Variants in CAST observed in about 807,000 individuals in gnomAD.
CAST encodes the protein MIR583 host.
In CAST, 76 loss-of-function variants were observed where a neutral mutation model predicts 119.6. That is an observed-to-expected ratio of 0.64 (90% CI 0.53 to 0.77). The LOEUF (loss-of-function observed/expected upper bound fraction) is 0.77. CAST is among the 30% of genes least tolerant of loss of function. The pLI, the probability that CAST is intolerant of heterozygous loss-of-function variation, is 0.00. For missense variants in CAST, 953 were observed against 946.5 expected (o/e 1.01, Z -0.09); for synonymous variants, 319 against 331.6 (o/e 0.96, Z 0.41).
the CAST span, among the ~76,000 whole-genome samples, chr5:96,329,247 C>T: frequency 2.6e-5 from 4 of 152,170 alleles, no homozygotes; most frequent in Admixed American, 2.6e-4. Flanking sequence ...GTTAAGAAAA[C>T]AGTGTGATAA....
chr5:96,460,167 T>G, the CAST span, among the ~76,000 whole-genome samples: 13 of 152,266 alleles, frequency 8.5e-5, 1 homozygote, highest in South Asian at 2.7e-3. Context: ...GGTTGGAGTT[T>G]CAATGTCCTG....
intron 1 of CAST, among the ~76,000 whole-genome samples, chr5:96,551,317 A>C (rs556316212): frequency 6.6e-6 from 1 of 152,348 alleles, no homozygotes; most frequent in African/African-American, 2.4e-5. Context: ...CAGCCAAACT[A>C]AGCTTCATAA....
chr5:96,349,139 A>ATTTTTTTTTTTTTTTTTTT, the CAST span, among the ~76,000 whole-genome samples: 157 of 89,592 alleles, frequency 1.8e-3, 16 homozygotes, highest in African/African-American at 6.3e-3. Context: ...CAAGGACACT[A>ATTTTTTTTTTTTTTTTTTT]TTTTTTTTTT....
chr5:96,408,147 T>C, the CAST span: 1 of 1,040,020 alleles, frequency 9.6e-7, no homozygotes, highest in Non-Finnish European at 1.5e-6. Context: ...TAACCATGTA[T>C]TCAGAAAAAA....
chr5:96,711,734 CTG>C (rs1756197794), intron 3 of CAST, among the ~76,000 whole-genome samples: 1 of 152,144 alleles, frequency 6.6e-6, no homozygotes, highest in African/African-American at 2.4e-5. Context: ...GTTTAAATAA[CTG>C]AGAGGGGAAT....
the CAST span, among the ~76,000 whole-genome samples, chr5:96,421,451 T>G: frequency 1.3e-5 from 2 of 152,226 alleles, no homozygotes; most frequent in African/African-American, 4.8e-5. Context: ...AAGGTGACTG[T>G]AGCCACCGTC....
chr5:96,500,058 C>G, the CAST span, among the ~76,000 whole-genome samples: 6 of 152,176 alleles, frequency 3.9e-5, no homozygotes, highest in East Asian at 1.2e-3. Flanking sequence ...GATAAGTTCG[C>G]CGCCTCATAT....
chr5:96,565,356 C>T (rs916580605), intron 1 of CAST, among the ~76,000 whole-genome samples: 3 of 151,950 alleles, frequency 2.0e-5, no homozygotes, highest in South Asian at 4.2e-4. Context: ...ATACATGTCT[C>T]GAAACATCAC....
chr5:96,754,555 A>T lies in CAST; in HGVS notation c.1627-103A>T, dbSNP rs182666286. Reference sequence around the variant, plus strand: ...AAGCATACGGTCATATGTACTTCCTAACCTAATGATAGATTTGTTTACCTC... The same window carrying T: ...AAGCATACGGTCATATGTACTTCCTTACCTAATGATAGATTTGTTTACCTC... On this transcript the variant is annotated intron_variant, in intron 21 of 31. Transcript: ENST00000675179. 870 of 730,858 alleles carry T rather than the reference A, an allele frequency of 1.2e-3. 2 individuals carry two copies. The highest frequency in any genetic ancestry group is 1.5e-3 in the Non-Finnish European group (606 of 413,998). 45.3% of individuals were successfully genotyped at this position (730,858 alleles called of 1,614,324 possible).
the CAST span, among the ~76,000 whole-genome samples, chr5:96,276,794 C>G: frequency 6.6e-6 from 1 of 152,166 alleles, no homozygotes; most frequent in Admixed American, 6.5e-5. Context: ...TGTTTCCCAT[C>G]CCTCATGCCC....
the CAST span, among the ~76,000 whole-genome samples, chr5:96,292,586 A>G: frequency 2.0e-5 from 3 of 152,200 alleles, no homozygotes; most frequent in African/African-American, 7.2e-5. Flanking sequence ...CTACTAAATA[A>G]TGGGTTAATG....
the CAST span, among the ~76,000 whole-genome samples, chr5:96,488,422 T>C: frequency 6.6e-6 from 1 of 152,262 alleles, no homozygotes; most frequent in Non-Finnish European, 1.5e-5. Flanking sequence ...CCTCTTCCCT[T>C]ATTTTACTAT....
the CAST span, among the ~76,000 whole-genome samples, chr5:96,082,333 C>G: frequency 2.0e-5 from 3 of 152,172 alleles, no homozygotes; most frequent in African/African-American, 7.2e-5. Flanking sequence ...CACAACCTAT[C>G]CTTGGTGCTT....
At chr5:96,392,831 T>C in the CAST span, 1 of 696,856 alleles carries the variant, frequency 1.4e-6, no homozygotes, top group Non-Finnish European at 2.5e-6. Flanking sequence ...TTGAACTTCC[T>C]GCTTGAGCTC....
chr5:96,051,675 G>A, the CAST span, among the ~76,000 whole-genome samples: 5 of 152,248 alleles, frequency 3.3e-5, no homozygotes, highest in East Asian at 5.8e-4. Flanking sequence ...GAGTGATGAG[G>A]TTAGTGTGAT....
the CAST span, among the ~76,000 whole-genome samples, chr5:96,262,593 A>G: frequency 1.3e-5 from 2 of 152,044 alleles, no homozygotes; most frequent in African/African-American, 2.4e-5. Context: ...GCAGTGGTGC[A>G]ATCTCGGCTC....
intron 27 of CAST, among the ~76,000 whole-genome samples, 198 bp from the exon 28 acceptor site, chr5:96,767,240 C>A (rs1449541786): frequency 1.3e-5 from 2 of 152,168 alleles, no homozygotes; most frequent in African/African-American, 2.4e-5. Flanking sequence ...TCCCCCAAGT[C>A]TACACAAATG....
chr5:96,326,736 G>A, the CAST span, among the ~76,000 whole-genome samples: 24 of 115,858 alleles, frequency 2.1e-4, no homozygotes, highest in African/African-American at 3.7e-4. Context: ...AGCATCTGTC[G>A]CATTATCTGG....
the CAST span, among the ~76,000 whole-genome samples, chr5:96,304,310 T>C: frequency 6.6e-6 from 1 of 152,246 alleles, no homozygotes; most frequent in Non-Finnish European, 1.5e-5. Context: ...GTTTATTTCT[T>C]GTAAATTTGT....
Sources: allele counts gnomAD v4.1 joint callset (sites outside exome capture counted in the v4.1 genomes callset), GRCh38; gene constraint gnomAD v4.1.1; transcripts MANE v1.5; gene names NCBI Gene and HGNC (gene_info 2026-07-23, HGNC 2026-07-21).